TRDN: variants seen among roughly 807,000 people sequenced by gnomAD.
TRDN encodes the protein triadin in skeletal muscle.
TRDN carries 161 observed loss-of-function variants against 149.7 expected under a neutral mutation model. The ratio of observed to expected loss-of-function variants is 1.08; its 90% confidence interval spans 0.95 to 1.23. The LOEUF (loss-of-function observed/expected upper bound fraction) is 1.23, where lower values mean the gene tolerates loss of function less well. Ranked by LOEUF, TRDN falls within the 50% of genes most tolerant of loss-of-function variation. The pLI, the probability that TRDN is intolerant of heterozygous loss-of-function variation, is 0.00. For missense variants in TRDN, 896 were observed against 823.5 expected (o/e 1.09, Z -1.08); for synonymous variants, 294 against 250.5 (o/e 1.17, Z -1.64).
chr6:123,440,664 A>C (rs781275286), intron 10 of TRDN, among the ~76,000 whole-genome samples: 9 of 152,204 alleles, frequency 5.9e-5, no homozygotes, highest in Non-Finnish European at 1.2e-4. Context: ...ATCAGAACTC[A>C]GTATCCAAGT....
chr6:123,406,587 A>G (rs946417847), intron 12 of TRDN, among the ~76,000 whole-genome samples: 4 of 151,904 alleles, frequency 2.6e-5, no homozygotes, highest in African/African-American at 9.7e-5. Context: ...CGTCATATGC[A>G]TGTATATAAA....
intron 22 of TRDN, among the ~76,000 whole-genome samples, chr6:123,336,823 C>T (rs9372742): frequency 0.18 from 26,753 of 150,518 alleles, 3,403 homozygotes; most frequent in East Asian, 0.63. Flanking sequence ...ATATTACACA[C>T]ACTTATATAA....
intron 24 of TRDN, among the ~76,000 whole-genome samples, chr6:123,299,780 C>T (rs754110140): frequency 6.6e-5 from 10 of 151,778 alleles, no homozygotes; most frequent in Non-Finnish European, 1.3e-4. Context: ...CTAGTTAATA[C>T]ATTGAGCATT....
intron 24 of TRDN, among the ~76,000 whole-genome samples, chr6:123,291,305 C>A (rs1778002831): frequency 6.6e-6 from 1 of 151,910 alleles, no homozygotes; most frequent in Admixed American, 6.6e-5. Flanking sequence ...TGGATCACGC[C>A]TGTAAGCCCA....
At chr6:123,499,853 A>G (rs1006764715) in intron 8 of TRDN, among the ~76,000 whole-genome samples, 1 of 150,186 alleles carries the variant, frequency 6.7e-6, no homozygotes, top group Non-Finnish European at 1.5e-5. Flanking sequence ...CATTTATTAA[A>G]TACATTAGGT....
At chr6:123,505,175 C>T (rs1778864328) in intron 7 of TRDN, among the ~76,000 whole-genome samples, 3 of 130,400 alleles carry the variant, frequency 2.3e-5, no homozygotes, top group South Asian at 2.5e-4. Flanking sequence ...ACCAGGGAAG[C>T]GGAGGTTGCA....
At chr6:123,584,346 G>A (rs941464512) in intron 1 of TRDN, among the ~76,000 whole-genome samples, 4 of 152,068 alleles carry the variant, frequency 2.6e-5, no homozygotes, top group Non-Finnish European at 4.4e-5. Context: ...TGATTTTGAC[G>A]GCCTCTAAAA....
intron 1 of TRDN, among the ~76,000 whole-genome samples, chr6:123,572,327 T>G (rs1024023730): frequency 3.9e-5 from 6 of 152,090 alleles, no homozygotes; most frequent in Non-Finnish European, 8.8e-5. Context: ...ACCTTTATGT[T>G]GCCTTTTTTT....
At chr6:123,618,097 T>G (rs1277142003) in intron 1 of TRDN, among the ~76,000 whole-genome samples, 1 of 152,154 alleles carries the variant, frequency 6.6e-6, no homozygotes, top group Non-Finnish European at 1.5e-5. Context: ...TAAAAATTTG[T>G]CTTCCAGTGA....
At chr6:123,361,506 C>A (rs939967696) in intron 20 of TRDN, among the ~76,000 whole-genome samples, 1 of 151,256 alleles carries the variant, frequency 6.6e-6, no homozygotes, top group African/African-American at 2.4e-5. Flanking sequence ...TACCCCAGAA[C>A]TTAAAGTATA....
chr6:123,391,702 T>C (rs940167698), intron 13 of TRDN, among the ~76,000 whole-genome samples: 1 of 152,000 alleles, frequency 6.6e-6, no homozygotes, highest in African/African-American at 2.4e-5. Flanking sequence ...TACATACATA[T>C]GTATGGAAAG....
At chr6:123,368,272 T>G (rs1291583977) in intron 19 of TRDN, among the ~76,000 whole-genome samples, 1 of 152,174 alleles carries the variant, frequency 6.6e-6, no homozygotes, top group East Asian at 1.9e-4. Context: ...TGCTATCAGG[T>G]TGCACCACTC....
At chr6:123,299,705 C>A (rs955325107) in intron 24 of TRDN, among the ~76,000 whole-genome samples, 1 of 151,692 alleles carries the variant, frequency 6.6e-6, no homozygotes, top group Non-Finnish European at 1.5e-5. Flanking sequence ...TACATAAATT[C>A]TATTATATTA....
chr6:123,376,535 A>G (rs1202920635), intron 18 of TRDN, among the ~76,000 whole-genome samples: 4 of 152,082 alleles, frequency 2.6e-5, no homozygotes, highest in Non-Finnish European at 5.9e-5. Flanking sequence ...AAGAGAAAAA[A>G]CAGTCGGCTT....
In TRDN at chr6:123,636,477, G is replaced by A. The variant is rs187050962; in HGVS notation, c.22+277C>T. Among the ~76,000 whole-genome samples, 4 of 151,998 alleles carry A rather than the reference G, an allele frequency of 2.6e-5. No individual in the cohort carries two copies. In the East Asian group the frequency reaches 7.8e-4, roughly 30 times the overall value. On this transcript the variant is annotated intron_variant, in intron 1 of 40. Transcript: ENST00000334268. ...TGTTACATGACCATAGCTATTTATA[G>A]AGGTGTGAGTAACAACTGTTAACTA...
At chr6:123,496,695 A>G (rs932964586) in intron 9 of TRDN, among the ~76,000 whole-genome samples, 2 of 152,086 alleles carry the variant, frequency 1.3e-5, no homozygotes, top group African/African-American at 4.8e-5. Flanking sequence ...TAATTCCAAG[A>G]TTATCTATCT....
At chr6:123,347,903 T>C (rs1426809880) in intron 21 of TRDN, among the ~76,000 whole-genome samples, 2 of 152,122 alleles carry the variant, frequency 1.3e-5, no homozygotes, top group South Asian at 2.1e-4. Context: ...CTGTGCTCTA[T>C]TGTTCAAGCA....
At chr6:123,458,111 A>G (rs1225465997) in intron 10 of TRDN, among the ~76,000 whole-genome samples, 1 of 152,168 alleles carries the variant, frequency 6.6e-6, no homozygotes, top group African/African-American at 2.4e-5. Flanking sequence ...AGATGAGCAT[A>G]ATTTTCTAAT....
chr6:123,336,162 G>T (rs1779859740), intron 22 of TRDN, among the ~76,000 whole-genome samples: 1 of 152,036 alleles, frequency 6.6e-6, no homozygotes, highest in South Asian at 2.1e-4. Flanking sequence ...AAGCAAAAGT[G>T]CTTTTGTGAA....
Sources: allele counts gnomAD v4.1 joint callset (sites outside exome capture counted in the v4.1 genomes callset), GRCh38; gene constraint gnomAD v4.1.1; transcripts MANE v1.5; gene names NCBI Gene and HGNC (gene_info 2026-07-23, HGNC 2026-07-21).